LRRK2: variants seen among roughly 807,000 people sequenced by gnomAD.
LRRK2 encodes the protein leucine rich repeat kinase 2.
LRRK2 carries 203 observed loss-of-function variants against 302.6 expected under a neutral mutation model. The ratio of observed to expected loss-of-function variants is 0.67; its 90% confidence interval spans 0.60 to 0.75. The LOEUF (loss-of-function observed/expected upper bound fraction) is 0.75. LRRK2 is among the 30% of genes least tolerant of loss of function. The pLI is 0.00. For missense variants in LRRK2, 2,830 were observed against 2,951.0 expected, an observed-to-expected ratio of 0.96 and a Z score of 0.95; for synonymous variants, 1,066 against 1,031.9, an observed-to-expected ratio of 1.03 and a Z score of -0.63.
intron 18 of LRRK2, 125 bp downstream of exon 18, chr12:40,278,386 C>T (rs931462333): frequency 8.4e-7 from 1 of 1,191,462 alleles, no homozygotes. Flanking sequence ...CAGTTTATTG[C>T]AATTGTTTGT....
intron 2 of LRRK2, among the ~76,000 whole-genome samples, chr12:40,227,066 G>A (rs1306061973): frequency 6.6e-6 from 1 of 152,146 alleles, no homozygotes; most frequent in African/African-American, 2.4e-5. Context: ...GCCCAAGCCT[G>A]AGCATACTTG....
intron 45 of LRRK2, among the ~76,000 whole-genome samples, chr12:40,355,050 G>T (rs1372063164): frequency 6.6e-6 from 1 of 152,144 alleles, no homozygotes; most frequent in Non-Finnish European, 1.5e-5. Flanking sequence ...GTAGGTTGGT[G>T]ACTGTAATAT....
At chr12:40,232,169 G>A in intron 2 of LRRK2, 105 bp from the exon 3 acceptor site, 2 of 830,602 alleles carry the variant, frequency 2.4e-6, no homozygotes, top group Non-Finnish European at 2.1e-6. Context: ...GTTTACAAGT[G>A]AGATAAGCAT....
In LRRK2 at chr12:40,269,150, A is replaced by T. The variant is rs536468688; in HGVS notation, c.1656+5249A>T. On this transcript the variant is annotated intron_variant, in intron 14 of 50. Coordinates refer to ENST00000298910, the MANE Select transcript of LRRK2 (RefSeq NM_198578.4). ...GCCATGTTTTCTGATCAGCAATTTC[A>T]TTCTAAGAATTTTTAATGTAGATAT... is the stretch of plus-strand genomic sequence containing the variant. Among the ~76,000 whole-genome samples the T allele has an allele frequency of 3.9e-5, 6 of 152,322 alleles. No homozygotes were observed. In the East Asian group the frequency reaches 7.7e-4, roughly 20 times the overall value.
chr12:40,252,696 T>A (rs1440935157), intron 10 of LRRK2, among the ~76,000 whole-genome samples: 1 of 152,190 alleles, frequency 6.6e-6, no homozygotes, highest in Admixed American at 6.5e-5. Context: ...CTGCTGCATA[T>A]GCTTTTGAAA....
At chr12:40,283,847 A>C in intron 18 of LRRK2, 28 bp from the exon 19 acceptor site, 1 of 1,582,214 alleles carries the variant, frequency 6.3e-7, no homozygotes, top group South Asian at 1.1e-5. Flanking sequence ...GTAGATTTTT[A>C]ATATACTTAA....
At chr12:40,239,843 T>C (rs1038932630) in intron 5 of LRRK2, among the ~76,000 whole-genome samples, 3 of 152,188 alleles carry the variant, frequency 2.0e-5, no homozygotes, top group African/African-American at 7.2e-5. Context: ...TTCTAACATA[T>C]TTCTGGCGCC....
At chr12:40,230,322 C>T (rs971106926) in intron 2 of LRRK2, among the ~76,000 whole-genome samples, 19 of 152,202 alleles carry the variant, frequency 1.2e-4, no homozygotes, top group African/African-American at 4.3e-4. Context: ...CTCCCGTAAG[C>T]GAGTAAGAAA....
At chr12:40,363,659 T>A in intron 48 of LRRK2, 105 bp downstream of exon 48, 1 of 1,317,906 alleles carries the variant, frequency 7.6e-7, no homozygotes, top group Non-Finnish European at 1.0e-6. Context: ...ATAGAGAATT[T>A]TTTTAAAATG....
In LRRK2 at chr12:40,299,136, C is replaced by A; in HGVS notation, c.3375C>A (p.Pro1125=). 1 of 1,613,172 alleles carries A rather than the reference C, an allele frequency of 6.2e-7. No homozygotes were observed. Among genetic ancestry groups the A allele is most frequent in the African/African-American group, 1.3e-5 (1 of 74,882 alleles). Residue 1125 remains proline, a synonymous_variant, in exon 25 of 51, where the codon CCC becomes CCA. Transcript: ENST00000298910. ...ATAAAATATCAGGGATATGCTCCCCCTTGAGACTGAAGGAACTGAAGATTT... is the reference window on the plus strand; with the variant it reads ...ATAAAATATCAGGGATATGCTCCCCATTGAGACTGAAGGAACTGAAGATTT... ...EGNKISGICS[P]LRLKELKILN... is the part of the protein sequence containing the mutation.
At chr12:40,314,223 A>G (rs767763307) in intron 32 of LRRK2, 50 bp downstream of exon 32, 2 of 1,542,518 alleles carry the variant, frequency 1.3e-6, no homozygotes, top group South Asian at 2.3e-5. Context: ...AGTAACTTAT[A>G]AAAGTGTTTC....
In LRRK2 at chr12:40,298,464, A is replaced by G. The variant is rs200006742; in HGVS notation, c.3318A>G (p.Val1106=). 14 of 1,613,998 alleles carry G rather than the reference A, an allele frequency of 8.7e-6. No homozygotes were observed. Among genetic ancestry groups the G allele is most frequent in the Non-Finnish European group, 1.2e-5 (14 of 1,179,974 alleles). The change falls in exon 24 of 51, where the codon GTA becomes GTG. Residue 1106 remains valine, a synonymous_variant. Coordinates refer to ENST00000298910, the MANE Select transcript of LRRK2 (RefSeq NM_198578.4). ...TACCTGAGAACCTCACTGATGTGGT[A>G]GAGAAACTGGAGCAGCTCATTTTAG... ...SFVPENLTDV[V]EKLEQLILEG... is the part of the protein sequence containing the mutation.
intron 20 of LRRK2, among the ~76,000 whole-genome samples, chr12:40,287,793 C>T (rs370246477): frequency 4.0e-5 from 6 of 151,848 alleles, no homozygotes; most frequent in South Asian, 4.1e-4. Flanking sequence ...TAGACTGGAA[C>T]GAGATTCCAC....
intron 42 of LRRK2, among the ~76,000 whole-genome samples, 189 bp downstream of exon 42, chr12:40,347,112 T>G (rs1373664823): frequency 6.6e-6 from 1 of 152,206 alleles, no homozygotes; most frequent in Admixed American, 6.5e-5. Flanking sequence ...TTTAGGCTTT[T>G]TAAAAAATCC....
intron 6 of LRRK2, 122 bp from the exon 7 acceptor site, chr12:40,243,428 A>T: frequency 9.3e-7 from 1 of 1,073,146 alleles, no homozygotes; most frequent in Non-Finnish European, 1.4e-6. Flanking sequence ...CATGATGTTT[A>T]AATTTGGAAA....
Position 40,257,394 on chromosome 12 carries a change from A to T in LRRK2, c.1418+17A>T. The T allele has an allele frequency of 3.1e-6, 5 of 1,609,748 alleles. No individual in the cohort carries two copies. Among genetic ancestry groups the T allele is most frequent in the Non-Finnish European group, 4.2e-6 (5 of 1,176,582 alleles). On this transcript the variant is annotated intron_variant, in intron 12 of 50. Transcript: ENST00000298910. ...TGAAGGAAGGTAATATAGATTCATT[A>T]ACTTGTACAGAATATATCATATTGG... is the stretch of plus-strand genomic sequence containing the variant.
intron 27 of LRRK2, chr12:40,304,441 A>G (rs887353740): frequency 2.9e-4 from 103 of 359,478 alleles, no homozygotes; most frequent in Non-Finnish European, 3.8e-4. Context: ...TATACTTATC[A>G]GAACCTTTTA....
chr12:40,289,894 T>C (rs1387892875), intron 20 of LRRK2, among the ~76,000 whole-genome samples: 3 of 151,950 alleles, frequency 2.0e-5, no homozygotes, highest in South Asian at 2.1e-4. Flanking sequence ...ACAGATTTGC[T>C]TTTTCTTTTC....
At chr12:40,246,131 T>C (rs1278406770) in intron 7 of LRRK2, among the ~76,000 whole-genome samples, 1 of 151,972 alleles carries the variant, frequency 6.6e-6, no homozygotes, top group Non-Finnish European at 1.5e-5. Flanking sequence ...GAAATTTTAT[T>C]TTATTTCTTC....
Sources: allele counts gnomAD v4.1 joint callset (sites outside exome capture counted in the v4.1 genomes callset), GRCh38; gene constraint gnomAD v4.1.1; transcripts MANE v1.5; gene names NCBI Gene and HGNC (gene_info 2026-07-23, HGNC 2026-07-21).